Variants in PEX5 observed in about 807,000 individuals in gnomAD.
PEX5 encodes PTS1 receptor.
A neutral mutation model predicts 82.9 loss-of-function variants in PEX5; 52 were observed. That is an observed-to-expected ratio of 0.63 (90% confidence interval 0.50 to 0.79). PEX5 has a LOEUF of 0.79. Ranked by LOEUF, PEX5 falls within the 30% of genes least tolerant of loss-of-function variation. The probability of loss-of-function intolerance (pLI) is 0.00; values close to 1 mark genes in which losing one functional copy is unlikely to be tolerated. For synonymous variants in PEX5, 300 were observed against 318.8 expected, an observed-to-expected ratio of 0.94 and a Z score of 0.63; for missense variants, 719 against 815.2, an observed-to-expected ratio of 0.88 and a Z score of 1.44.
intron 5 of PEX5, among the ~76,000 whole-genome samples, chr12:7,195,613 G>GC (rs1555174496): frequency 1.5e-5 from 2 of 136,232 alleles, no homozygotes; most frequent in East Asian, 4.3e-4. Flanking sequence ...TGTTTTTTCT[G>GC]TTTTTTTTTT....
rs146897980 is a variant in PEX5, at chr12:7,210,850, C to T, written c.*627C>T. On this transcript the variant is annotated 3_prime_UTR_variant, in exon 16 of 16. Coordinates refer to ENST00000675855, the MANE Select transcript of PEX5 (RefSeq NM_001351132.2). Reference sequence around the variant, plus strand: ...CAATAGTCCTGTGTCATCACTGCAGCGGTCCTCAGGAGCTGCCAGGGCCAA... The same window carrying T: ...CAATAGTCCTGTGTCATCACTGCAGTGGTCCTCAGGAGCTGCCAGGGCCAA... 3.6e-4 allele frequency: 63 copies of T among 173,752 alleles called. No individual in the cohort carries two copies. The highest frequency in any genetic ancestry group is 2.9e-3 in the Middle Eastern group (1 of 346). The allele number at this position is 173,752 out of a possible 1,614,324, so 10.8% of individuals were successfully genotyped here. A position where few individuals can be genotyped will look rare whatever the true frequency, so the allele number is the denominator to read the frequency against.
intron 10 of PEX5, among the ~76,000 whole-genome samples, chr12:7,207,390 C>T (rs1033183177): frequency 5.3e-5 from 8 of 152,128 alleles, no homozygotes; most frequent in South Asian, 2.1e-4. Context: ...TGATGACTTC[C>T]TAAAATAAGC....
intron 5 of PEX5, among the ~76,000 whole-genome samples, chr12:7,198,627 G>T (rs772941051): frequency 6.6e-6 from 1 of 152,138 alleles, no homozygotes; most frequent in Admixed American, 6.5e-5. Context: ...GAGCCCTTCT[G>T]TGCTCCCTTC....
intron 11 of PEX5, 64 bp downstream of exon 11, chr12:7,207,866 A>G: frequency 6.3e-7 from 1 of 1,591,780 alleles, no homozygotes; most frequent in Non-Finnish European, 8.6e-7. Context: ...GAAAGGCCCC[A>G]AGGAGAGTAG....
rs1223841617 is a variant in PEX5 at position 7,200,051 on chromosome 12, C to T, written c.551+938C>T. ...ACCCGCACCTCCCTCCCGGACGGGGCGGCTGGCCGGGCGGGGGGCTGACCC... is the reference window on the plus strand; with the variant it reads ...ACCCGCACCTCCCTCCCGGACGGGGTGGCTGGCCGGGCGGGGGGCTGACCC... On this transcript the variant is annotated intron_variant, in intron 6 of 15. Transcript: ENST00000675855. Among the ~76,000 whole-genome samples the T allele has an allele frequency of 6.1e-3, 365 of 59,670 alleles. 1 individual carries two copies. The highest frequency in any genetic ancestry group is 0.012 in the Admixed American group (42 of 3,496). 39.1% of individuals were successfully genotyped at this position (59,670 alleles called of 152,430 possible).
intron 1 of PEX5, chr12:7,190,100 C>A: frequency 2.7e-6 from 4 of 1,489,094 alleles, no homozygotes; most frequent in South Asian, 2.6e-5. Flanking sequence ...CAGCTGCTGG[C>A]CCCCAGCCCA....
At chr12:7,212,485 A>C (rs893068282), downstream of PEX5, among the ~76,000 whole-genome samples, 12 of 60,654 alleles carry the variant, frequency 2.0e-4, no homozygotes, top group Admixed American at 4.3e-4. Flanking sequence ...AAAAAAAAAA[A>C]AAACCCAAAA....
At chr12:7,208,110 G>A (rs780212589) in intron 12 of PEX5, 30 bp downstream of exon 12, 3 of 1,508,446 alleles carry the variant, frequency 2.0e-6, no homozygotes, top group Non-Finnish European at 2.8e-6. Flanking sequence ...TGGGTGAGGT[G>A]CTTCCAAGGC....
rs775480258 is a variant in PEX5 at position 7,209,826 on chromosome 12, C to T, written c.1704C>T (p.Asn568=). 1.9e-6 allele frequency: 3 copies of T among 1,614,234 alleles called. No individual in the cohort carries two copies. The highest frequency in any genetic ancestry group is 1.3e-5 in the African/African-American group (1 of 75,050). The stretch of plus-strand genomic sequence containing the variant: ...ATAACCTGGGCATCAGCTGCATCAA[C>T]CTCGGGGCTCACCGGTGAGAGTATC... ...SRYNLGISCI[N]LGAHREAVEH... Residue 568 remains asparagine, a synonymous_variant, in exon 15 of 16, where the codon AAC becomes AAT. Coordinates refer to ENST00000675855, the MANE Select transcript of PEX5 (RefSeq NM_001351132.2).
intron 15 of PEX5, 55 bp downstream of exon 15, chr12:7,209,895 C>T (rs1945331569): frequency 1.9e-6 from 3 of 1,608,164 alleles, no homozygotes; most frequent in Non-Finnish European, 1.7e-6. Context: ...TGCCTTTGGC[C>T]CTAGCTCCTT....
intron 10 of PEX5, among the ~76,000 whole-genome samples, chr12:7,204,513 A>C (rs1944519872): frequency 6.6e-6 from 1 of 152,248 alleles, no homozygotes; most frequent in South Asian, 2.1e-4. Flanking sequence ...GGATTTTTCT[A>C]ACTATCCTGT....
chr12:7,199,062 C>A lies in PEX5; in HGVS notation c.500C>A (p.Ser167Ter). The A allele has an allele frequency of 6.2e-7, 1 of 1,610,622 alleles. No homozygotes were observed. Among genetic ancestry groups the A allele is most frequent in the South Asian group, 1.1e-5 (1 of 90,264 alleles). Reference sequence around the variant, plus strand: ...TGGGCTGAGGAATATTTGGAGCAATCAGAGGAGAAGCTGTGGCTGGGAGAA... The same window carrying A: ...TGGGCTGAGGAATATTTGGAGCAATAAGAGGAGAAGCTGTGGCTGGGAGAA... Reference protein sequence around the residue: ...ARWAEEYLEQSEEKLWLGEPE... With the variant: ...ARWAEEYLEQ Residue 167 changes from serine (S) to a stop codon, truncating the protein, a stop_gained, in exon 6 of 16, where the codon TCA (serine) becomes TAA (stop). Coordinates refer to ENST00000675855, the MANE Select transcript of PEX5 (RefSeq NM_001351132.2). LOFTEE classifies it high-confidence loss of function.
intron 5 of PEX5, among the ~76,000 whole-genome samples, chr12:7,197,510 G>A (rs923323560): frequency 7.8e-5 from 9 of 115,358 alleles, no homozygotes; most frequent in East Asian, 4.4e-4. Context: ...TATATATAAT[G>A]TAATAATTAT....
chr12:7,215,483 A>G (rs1050384760), downstream of PEX5, among the ~76,000 whole-genome samples: 4 of 152,218 alleles, frequency 2.6e-5, no homozygotes, highest in Non-Finnish European at 5.9e-5. Context: ...ACGACGTGGA[A>G]TCAACCTGGA....
chr12:7,191,438 T>C (rs112265253), intron 4 of PEX5, 80 bp downstream of exon 4: 1 of 1,604,632 alleles, frequency 6.2e-7, no homozygotes, highest in South Asian at 1.1e-5. Flanking sequence ...TGGATGCTGC[T>C]GGCATTGGGG....
intron 5 of PEX5, among the ~76,000 whole-genome samples, chr12:7,197,534 T>TTTA (rs1942965043): frequency 1.7e-5 from 1 of 60,268 alleles, no homozygotes; most frequent in African/African-American, 4.3e-5. Context: ...TTATATATAA[T>TTTA]GTAATTATAT....
chr12:7,210,851 G>A lies in PEX5; in HGVS notation c.*628G>A, dbSNP rs12316371. ...AATAGTCCTGTGTCATCACTGCAGC[G>A]GTCCTCAGGAGCTGCCAGGGCCAAT... On this transcript the variant is annotated 3_prime_UTR_variant, in exon 16 of 16. Coordinates refer to ENST00000675855, the MANE Select transcript of PEX5 (RefSeq NM_001351132.2). The A allele has an allele frequency of 0.074, 12,822 of 172,370 alleles. 627 individuals carry two copies. The highest frequency in any genetic ancestry group is 0.22 in the South Asian group (1,597 of 7,340). The allele number at this position is 172,370 out of a possible 1,614,324, so 10.7% of individuals were successfully genotyped here.
chr12:7,190,273 T>G, intron 1 of PEX5, 89 bp from the exon 2 acceptor site: 1 of 1,589,466 alleles, frequency 6.3e-7, no homozygotes, highest in Non-Finnish European at 8.6e-7. Context: ...GGCAGACGCC[T>G]GTGTGCCTTC....
chr12:7,212,650 T>C (rs1410636800), downstream of PEX5: 2 of 152,148 alleles, frequency 1.3e-5, no homozygotes, highest in Non-Finnish European at 2.9e-5. Flanking sequence ...ATTTACAGAT[T>C]GTCTTAAGAA....
Sources: allele counts gnomAD v4.1 joint callset (sites outside exome capture counted in the v4.1 genomes callset), GRCh38; gene constraint gnomAD v4.1.1; transcripts MANE v1.5; gene names NCBI Gene and HGNC (gene_info 2026-07-23, HGNC 2026-07-21).